GADL1: variants seen among roughly 807,000 people sequenced by gnomAD.
GADL1 encodes the protein GAD like acidic amino acid decarboxylase 1.
A neutral mutation model predicts 69.5 loss-of-function variants in GADL1; 71 were observed. The observed-to-expected ratio is 1.02, with a 90% CI of 0.84 to 1.25. The LOEUF is 1.25. Among genes scored for constraint, GADL1 ranks in the 50% most tolerant of loss-of-function variants. GADL1 has a pLI of 0.00. For synonymous variants in GADL1, 254 were observed against 214.4 expected (o/e 1.18, Z -1.62); for missense variants, 737 against 631.8 (o/e 1.17, Z -1.79).
At chr3:30,785,314 CATGCATGACATAGTA>C (rs1208910307) in intron 13 of GADL1, among the ~76,000 whole-genome samples, 1 of 151,812 alleles carries the variant, frequency 6.6e-6, no homozygotes, top group African/African-American at 2.4e-5. Context: ...TGCCTAGAAC[CATGCATGACATAGTA>C]ATTGTTCAAT....
Position 30,837,018 on chromosome 3 carries a change from A to G in GADL1, c.903+1979T>C, listed in dbSNP as rs370159990. On this transcript the variant is annotated intron_variant, in intron 9 of 14. Coordinates refer to ENST00000282538, the MANE Select transcript of GADL1 (RefSeq NM_207359.3). Reference sequence around the variant, plus strand: ...TACTACTAATAAAAATTGACATCAAAATATCAATTTCAGAGTTAAAATTTT... The same window carrying G: ...TACTACTAATAAAAATTGACATCAAGATATCAATTTCAGAGTTAAAATTTT... Among the ~76,000 whole-genome samples the G allele has an allele frequency of 3.2e-4, 48 of 152,282 alleles. 1 individual carries two copies. The highest frequency in any genetic ancestry group is 1.1e-3 in the African/African-American group (46 of 41,580).
intron 8 of GADL1, among the ~76,000 whole-genome samples, chr3:30,840,234 T>C (rs1697944779): frequency 6.6e-6 from 1 of 152,188 alleles, no homozygotes; most frequent in Non-Finnish European, 1.5e-5. Flanking sequence ...TTGAACCAAC[T>C]CTTTCCAATT....
At chr3:30,832,977 G>A (rs956510287) in intron 11 of GADL1, among the ~76,000 whole-genome samples, 1 of 151,890 alleles carries the variant, frequency 6.6e-6, no homozygotes, top group African/African-American at 2.4e-5. Flanking sequence ...TCTTTAAAAA[G>A]TTGTAAATAG....
At chr3:30,780,833 A>C (rs1696650356) in intron 13 of GADL1, among the ~76,000 whole-genome samples, 1 of 152,154 alleles carries the variant, frequency 6.6e-6, no homozygotes, top group African/African-American at 2.4e-5. Context: ...TTGATGTTTC[A>C]TTTGGAATAT....
At chr3:30,794,807 G>A (rs572139058) in intron 12 of GADL1, among the ~76,000 whole-genome samples, 2 of 152,098 alleles carry the variant, frequency 1.3e-5, no homozygotes, top group East Asian at 1.9e-4. Flanking sequence ...CTATCTGATC[G>A]GTGCAGTGAT....
Position 30,774,960 on chromosome 3 carries a change from A to G in GADL1, c.1392+3219T>C, listed in dbSNP as rs1450891921. The stretch of plus-strand genomic sequence containing the variant: ...GAAAAGGAGATGGCAGGAGGCAGAG[A>G]GACCAGAAAAGAGACAAATACAATC... On this transcript the variant is annotated intron_variant, in intron 14 of 14. Transcript: ENST00000282538. 6.6e-5 allele frequency among the ~76,000 whole-genome samples: 10 copies of G among 152,250 alleles called. No homozygotes were observed. The East Asian group carries it at 1.9e-3, about 29-fold the overall frequency.
At chr3:30,853,917 T>A (rs1176251970) in intron 4 of GADL1, among the ~76,000 whole-genome samples, 1 of 152,134 alleles carries the variant, frequency 6.6e-6, no homozygotes, top group Non-Finnish European at 1.5e-5. Context: ...ACCTAGTGAC[T>A]TAGAAACCTT....
In GADL1 at chr3:30,786,399, C is replaced by G. The variant is rs1696790419; in HGVS notation, c.1258G>C (p.Val420Leu). The change falls in exon 13 of 15, where the codon GTA (valine) becomes CTA (leucine). Residue 420 changes from valine (V) to leucine (L), a missense_variant. Val to Leu is a conservative substitution (Grantham distance 32). Transcript: ENST00000282538. ...NRALALSRYL[V>L]DEIKKREGFK... ...CCTTCTCTTTTCTTGATTTCATCTA[C>G]TAGGTACCTAAAATTAAAAGTCACA... 6.9e-7 allele frequency: 1 copy of G among 1,459,606 alleles called. No homozygotes were observed. The highest frequency in any genetic ancestry group is 1.7e-5 in the Admixed American group (1 of 59,654). 90.4% of individuals were successfully genotyped at this position (1,459,606 alleles called of 1,614,324 possible). A position where few individuals can be genotyped will look rare whatever the true frequency, so the allele number is the denominator to read the frequency against.
chr3:30,761,436 A>G (rs896032547), intron 14 of GADL1, among the ~76,000 whole-genome samples: 3 of 151,956 alleles, frequency 2.0e-5, no homozygotes, highest in Non-Finnish European at 4.4e-5. Context: ...TGGCGCACAC[A>G]CATTTTCGCA....
At chr3:30,827,085 C>T (rs1697692975) in intron 11 of GADL1, among the ~76,000 whole-genome samples, 1 of 152,010 alleles carries the variant, frequency 6.6e-6, no homozygotes, top group South Asian at 2.1e-4. Context: ...TGATAAAGGA[C>T]ATACTACTTC....
chr3:30,736,178 G>A (rs1021452354), intron 14 of GADL1, among the ~76,000 whole-genome samples: 1 of 151,904 alleles, frequency 6.6e-6, no homozygotes, highest in African/African-American at 2.4e-5. Context: ...TTTTATACAT[G>A]TTTTCCTGTA....
At chr3:30,734,508 T>C (rs1695512192) in intron 14 of GADL1, among the ~76,000 whole-genome samples, 1 of 152,216 alleles carries the variant, frequency 6.6e-6, no homozygotes, top group South Asian at 2.1e-4. Flanking sequence ...ACCTCCATGT[T>C]AGCCAGGCAG....
At chr3:30,783,247 G>C (rs1236488878) in intron 13 of GADL1, among the ~76,000 whole-genome samples, 1 of 152,080 alleles carries the variant, frequency 6.6e-6, no homozygotes, top group East Asian at 1.9e-4. Flanking sequence ...ACTCTCCCAA[G>C]AGATAAAAAA....
intron 14 of GADL1, among the ~76,000 whole-genome samples, chr3:30,754,278 C>T (rs1695909705): frequency 6.6e-6 from 1 of 152,216 alleles, no homozygotes; most frequent in East Asian, 1.9e-4. Context: ...TAAAGGAGAA[C>T]CACATGCAAG....
At chr3:30,766,436 A>G (rs1186140589) in intron 14 of GADL1, among the ~76,000 whole-genome samples, 1 of 152,182 alleles carries the variant, frequency 6.6e-6, no homozygotes, top group Non-Finnish European at 1.5e-5. Context: ...AAGGAACCCC[A>G]CATTTACTTC....
chr3:30,807,185 G>A (rs969333605), intron 11 of GADL1, among the ~76,000 whole-genome samples: 1 of 152,024 alleles, frequency 6.6e-6, no homozygotes, highest in African/African-American at 2.4e-5. Flanking sequence ...TCCTCTTCTC[G>A]AACATTCCAG....
At chr3:30,841,337 CTTTT>C (rs1156856811) in intron 8 of GADL1, among the ~76,000 whole-genome samples, 2 of 152,150 alleles carry the variant, frequency 1.3e-5, no homozygotes, top group African/African-American at 2.4e-5. Flanking sequence ...CAAAAACTTA[CTTTT>C]TTGAGTTCTC....
At chr3:30,739,488 T>C (rs972813087) in intron 14 of GADL1, among the ~76,000 whole-genome samples, 1 of 152,202 alleles carries the variant, frequency 6.6e-6, no homozygotes, top group African/African-American at 2.4e-5. Flanking sequence ...TTTGACCTTT[T>C]TGTTTGTTTG....
intron 12 of GADL1, among the ~76,000 whole-genome samples, chr3:30,795,873 T>C (rs1277319724): frequency 1.3e-5 from 2 of 152,108 alleles, no homozygotes; most frequent in African/African-American, 2.4e-5. Flanking sequence ...AAAACTATTA[T>C]GAGTAACAGC....
Sources: allele counts gnomAD v4.1 joint callset (sites outside exome capture counted in the v4.1 genomes callset), GRCh38; gene constraint gnomAD v4.1.1; transcripts MANE v1.5; gene names NCBI Gene and HGNC (gene_info 2026-07-23, HGNC 2026-07-21).